AAK1: variants seen among roughly 807,000 people sequenced by gnomAD.
AAK1 encodes the protein AP2-associated protein kinase 1.
Under a neutral mutation model 116.0 loss-of-function variants are expected in AAK1, and 37 were observed. The observed-to-expected ratio is 0.32, with a 90% CI of 0.25 to 0.42. AAK1 has a LOEUF of 0.42. Among genes scored for constraint, AAK1 ranks in the 10% least tolerant of loss-of-function variants. The pLI, the probability that AAK1 is intolerant of heterozygous loss-of-function variation, is 1.00. For missense variants in AAK1, 919 were observed against 1,170.6 expected, an observed-to-expected ratio of 0.79 and a Z score of 3.14; for synonymous variants, 458 against 439.9, an observed-to-expected ratio of 1.04 and a Z score of -0.51.
intron 2 of AAK1, among the ~76,000 whole-genome samples, chr2:69,639,196 C>A (rs1032764711): frequency 2.0e-5 from 3 of 152,130 alleles, no homozygotes; most frequent in Admixed American, 6.6e-5. Flanking sequence ...AGAATGTTGT[C>A]TTCAACACAG....
intron 8 of AAK1, among the ~76,000 whole-genome samples, chr2:69,528,194 G>A (rs1291360145): frequency 6.6e-6 from 1 of 152,196 alleles, no homozygotes; most frequent in Non-Finnish European, 1.5e-5. Flanking sequence ...GTAAATAGAG[G>A]AGCCAGAAGG....
chr2:69,472,000 G>A lies in AAK1; in HGVS notation c.*3869C>T, dbSNP rs1674698148. On this transcript the variant is annotated 3_prime_UTR_variant, in exon 22 of 22. Transcript: ENST00000409085. Reference sequence around the variant, plus strand: ...AAGTTGTGTAATTCTAATTCAGGAAGAGCGAAGTCCAATATCAAATAACAC... The same window carrying A: ...AAGTTGTGTAATTCTAATTCAGGAAAAGCGAAGTCCAATATCAAATAACAC... 1.0e-6 allele frequency: 1 copy of A among 985,394 alleles called. No individual in the cohort carries two copies. The highest frequency in any genetic ancestry group is 1.1e-4 in the East Asian group (1 of 8,820). The allele number at this position is 985,394 out of a possible 1,614,324, so 61.0% of individuals were successfully genotyped here.
intron 2 of AAK1, among the ~76,000 whole-genome samples, chr2:69,615,970 T>C (rs1356397298): frequency 6.6e-6 from 1 of 152,210 alleles, no homozygotes; most frequent in Admixed American, 6.5e-5. Context: ...GCATGGTGGC[T>C]CATGCCTGTA....
intron 3 of AAK1, among the ~76,000 whole-genome samples, chr2:69,549,229 C>T (rs1671069289): frequency 1.3e-5 from 2 of 151,616 alleles, no homozygotes; most frequent in Admixed American, 6.6e-5. Context: ...ATTAGCCAGG[C>T]GTGGTGGCAT....
Position 69,532,035 on chromosome 2 carries a change from G to A in AAK1, c.656+6C>T, listed in dbSNP as rs757128430. On this transcript the variant is annotated splice_donor_region_variant and intron_variant, in intron 6 of 21. Coordinates refer to ENST00000409085, the MANE Select transcript of AAK1 (RefSeq NM_014911.5). ...ACAAAACTCCATGAAAGGAGAAAAAGCTTACTTCTTAATCTCATCTTCTAC... is the reference window on the plus strand; with the variant it reads ...ACAAAACTCCATGAAAGGAGAAAAAACTTACTTCTTAATCTCATCTTCTAC... The A allele has an allele frequency of 4.3e-6, 7 of 1,612,758 alleles. No homozygotes were observed. The highest frequency in any genetic ancestry group is 1.7e-4 in the Middle Eastern group (1 of 6,048).
Position 69,458,237 on chromosome 2 carries a change from A to G in AAK1, c.*17632T>C, listed in dbSNP as rs1674260222. 6.6e-6 allele frequency: 1 copy of G among 152,224 alleles called. No individual in the cohort carries two copies. Among genetic ancestry groups the G allele is most frequent in the Non-Finnish European group, 1.5e-5 (1 of 68,040 alleles). The allele number at this position is 152,224 out of a possible 1,614,324, so 9.4% of individuals were successfully genotyped here. On this transcript the variant is annotated 3_prime_UTR_variant, in exon 22 of 22. Transcript: ENST00000409085. ...TGTTTTCTGAGGCCTGATGACCTCA[A>G]TACTCCTTCTGGCTGGAGAGACCTC... is the stretch of plus-strand genomic sequence containing the variant.
chr2:69,539,492 A>G (rs1442553210), intron 5 of AAK1, among the ~76,000 whole-genome samples: 1 of 152,066 alleles, frequency 6.6e-6, no homozygotes, highest in Non-Finnish European at 1.5e-5. Flanking sequence ...CCCTATTTCT[A>G]TGCCTCTCAC....
intron 9 of AAK1, among the ~76,000 whole-genome samples, chr2:69,526,628 C>T (rs1462352902): frequency 6.6e-6 from 1 of 152,120 alleles, no homozygotes; most frequent in African/African-American, 2.4e-5. Flanking sequence ...CATTTGAAAT[C>T]TGTAAAAAGG....
At chr2:69,564,809 A>G (rs183677868) in intron 2 of AAK1, among the ~76,000 whole-genome samples, 2 of 152,234 alleles carry the variant, frequency 1.3e-5, no homozygotes, top group Non-Finnish European at 2.9e-5. Context: ...TAGTCCTTCA[A>G]TCAGGACTGT....
At chr2:69,496,768 G>C (rs1165499667) in intron 16 of AAK1, among the ~76,000 whole-genome samples, 1 of 152,012 alleles carries the variant, frequency 6.6e-6, no homozygotes, top group Non-Finnish European at 1.5e-5. Context: ...CATGTGTATA[G>C]GTACTTCCTA....
chr2:69,518,669 G>A (rs1221731924), intron 12 of AAK1, among the ~76,000 whole-genome samples: 10 of 151,926 alleles, frequency 6.6e-5, no homozygotes, highest in Admixed American at 6.5e-5. Flanking sequence ...CACCTGTCTC[G>A]GCCTCCCAAA....
At chr2:69,531,618 T>C (rs1210508012) in intron 6 of AAK1, 19 of 988,880 alleles carry the variant, frequency 1.9e-5, no homozygotes, top group Non-Finnish European at 2.3e-5. Flanking sequence ...TCCACTTAGA[T>C]CGCCTTATGA....
intron 2 of AAK1, among the ~76,000 whole-genome samples, chr2:69,621,530 A>G (rs988746473): frequency 3.4e-4 from 51 of 152,096 alleles, no homozygotes; most frequent in Non-Finnish European, 5.0e-4. Flanking sequence ...ACCTCAAATG[A>G]GATGAACAGA....
intron 17 of AAK1, among the ~76,000 whole-genome samples, chr2:69,494,528 G>C (rs1456416343): frequency 6.6e-6 from 1 of 152,120 alleles, no homozygotes; most frequent in East Asian, 1.9e-4. Context: ...GAACCTGAAG[G>C]GGTGTCAAAA....
intron 2 of AAK1, among the ~76,000 whole-genome samples, chr2:69,608,121 T>C (rs1474995877): frequency 6.6e-6 from 1 of 152,208 alleles, no homozygotes; most frequent in Non-Finnish European, 1.5e-5. Context: ...AGAAGCAATG[T>C]GTCCTGGCAA....
At chr2:69,538,241 G>A (rs1670560140) in intron 5 of AAK1, among the ~76,000 whole-genome samples, 2 of 152,252 alleles carry the variant, frequency 1.3e-5, no homozygotes, top group South Asian at 4.1e-4. Context: ...AAGCACTGAG[G>A]GCTGGCTGGG....
At position 69,464,833 on chromosome 2, in the gene AAK1, G is replaced by A. The variant is rs1249518471; in HGVS notation, c.*11036C>T. 1 of 153,168 alleles carries A rather than the reference G, an allele frequency of 6.5e-6. No homozygotes were observed. The highest frequency in any genetic ancestry group is 1.5e-5 in the Non-Finnish European group (1 of 68,796). The allele number at this position is 153,168 out of a possible 1,614,324, so 9.5% of individuals were successfully genotyped here. A position where few individuals can be genotyped will look rare whatever the true frequency, so the allele number is the denominator to read the frequency against. ...CGAGAGCCAGCCTGGCTTGCACACAGACTGAGAATCAGATCTGGAGACTCC... is the reference window on the plus strand; with the variant it reads ...CGAGAGCCAGCCTGGCTTGCACACAAACTGAGAATCAGATCTGGAGACTCC... On this transcript the variant is annotated 3_prime_UTR_variant, in exon 22 of 22. Coordinates refer to ENST00000409085, the MANE Select transcript of AAK1 (RefSeq NM_014911.5).
In AAK1 at chr2:69,551,023, T is replaced by C. The variant is rs545021532; in HGVS notation, c.282+5837A>G. On this transcript the variant is annotated intron_variant, in intron 3 of 21. Transcript: ENST00000409085. ...ATCCCCTATAGTGAACCACATTTAT[T>C]GTTTCTTTCTTTCATGCTTCCTGTG... Among the ~76,000 whole-genome samples the C allele has an allele frequency of 2.6e-5, 4 of 152,274 alleles. No homozygotes were observed. In the South Asian group the frequency reaches 8.3e-4, roughly 32 times the overall value.
At chr2:69,531,031 TTTTGTCA>T (rs1670233336) in intron 6 of AAK1, among the ~76,000 whole-genome samples, 1 of 152,300 alleles carries the variant, frequency 6.6e-6, no homozygotes, top group African/African-American at 2.4e-5. Flanking sequence ...TGATACTATA[TTTTGTCA>T]ATTTGTTGTT....
Sources: allele counts gnomAD v4.1 joint callset (sites outside exome capture counted in the v4.1 genomes callset), GRCh38; gene constraint gnomAD v4.1.1; transcripts MANE v1.5; gene names NCBI Gene and HGNC (gene_info 2026-07-23, HGNC 2026-07-21).